GRM8: variants seen among roughly 807,000 people sequenced by gnomAD.
GRM8 encodes the protein glutamate metabotropic receptor 8.
GRM8 carries 47 observed loss-of-function variants against 87.2 expected under a neutral mutation model. The ratio of observed to expected loss-of-function variants is 0.54; its 90% CI spans 0.43 to 0.69. The LOEUF (loss-of-function observed/expected upper bound fraction) is 0.69, where lower values mean the gene tolerates loss of function less well. Ranked by LOEUF, GRM8 falls within the 30% of genes least tolerant of loss-of-function variation. The probability of loss-of-function intolerance (pLI) is 0.00; values close to 1 mark genes in which losing one functional copy is unlikely to be tolerated. For synonymous variants in GRM8, 396 were observed against 404.5 expected (o/e 0.98, Z 0.25); for missense variants, 1,019 against 1,139.2 (o/e 0.89, Z 1.52).
intron 9 of GRM8, among the ~76,000 whole-genome samples, chr7:126,525,662 C>G (rs560874044): frequency 2.0e-5 from 3 of 152,310 alleles, no homozygotes; most frequent in African/African-American, 7.2e-5. Flanking sequence ...ATAAATCAGA[C>G]CCAACTGGCT....
chr7:126,987,738 C>T (rs1047737872), intron 3 of GRM8, among the ~76,000 whole-genome samples: 5 of 152,184 alleles, frequency 3.3e-5, no homozygotes, highest in African/African-American at 9.7e-5. Flanking sequence ...GCTGGGATTA[C>T]AGGCGTGAGC....
rs745626248 is a variant in GRM8, at chr7:126,533,897, T to A, written c.1495-10A>T. ...ACTGCATGTCTTCCACCTGTGGGTA[T>A]AAAAAATTAATGAGCCTTCCATTTT... On this transcript the variant is annotated splice_polypyrimidine_tract_variant and intron_variant, in intron 8 of 10. Transcript: ENST00000339582. 1 of 1,588,290 alleles carries A rather than the reference T, an allele frequency of 6.3e-7. No homozygotes were observed. Among genetic ancestry groups the A allele is most frequent in the African/African-American group, 1.4e-5 (1 of 73,924 alleles).
chr7:126,597,042 C>T (rs59293252), intron 8 of GRM8, among the ~76,000 whole-genome samples: 2,544 of 151,998 alleles, frequency 0.017, 51 homozygotes, highest in African/African-American at 0.046. Flanking sequence ...TACAACAAAG[C>T]GAAATAATCT....
chr7:126,640,111 A>T (rs1802223048), intron 7 of GRM8, among the ~76,000 whole-genome samples: 1 of 152,246 alleles, frequency 6.6e-6, no homozygotes, highest in Non-Finnish European at 1.5e-5. Flanking sequence ...CAATAGTCTC[A>T]CTTAGAGCCT....
intron 1 of GRM8, among the ~76,000 whole-genome samples, chr7:127,246,589 G>A (rs12706771): frequency 0.25 from 37,961 of 151,912 alleles, 5,181 homozygotes; most frequent in Middle Eastern, 0.4. Flanking sequence ...GCACTCCCCC[G>A]CCAGCCCACC....
intron 3 of GRM8, among the ~76,000 whole-genome samples, chr7:127,021,975 T>C (rs938213063): frequency 6.6e-6 from 1 of 152,072 alleles, no homozygotes; most frequent in African/African-American, 2.4e-5. Context: ...CAATATGTCA[T>C]CCAAACCTAA....
chr7:127,000,529 C>T (rs1478017528), intron 3 of GRM8, among the ~76,000 whole-genome samples: 1 of 151,480 alleles, frequency 6.6e-6, no homozygotes, highest in Non-Finnish European at 1.5e-5. Flanking sequence ...TTACTATGTA[C>T]CTACAAAAAT....
intron 9 of GRM8, among the ~76,000 whole-genome samples, chr7:126,531,663 T>C (rs143050169): frequency 1.3e-5 from 2 of 152,352 alleles, no homozygotes; most frequent in African/African-American, 4.8e-5. Flanking sequence ...AAAATTTTCC[T>C]TCAAAAAACC....
intron 10 of GRM8, among the ~76,000 whole-genome samples, chr7:126,443,810 C>A (rs963588845): frequency 6.6e-6 from 1 of 151,816 alleles, no homozygotes; most frequent in African/African-American, 2.4e-5. Context: ...TATATAATTT[C>A]CATTTCAACA....
chr7:126,617,371 G>C (rs1479466301), intron 7 of GRM8, among the ~76,000 whole-genome samples: 1 of 152,146 alleles, frequency 6.6e-6, no homozygotes, highest in Non-Finnish European at 1.5e-5. Flanking sequence ...TTGATGGGAT[G>C]TATCTCAAAA....
intron 2 of GRM8, among the ~76,000 whole-genome samples, chr7:127,166,078 A>G (rs1793434894): frequency 6.6e-6 from 1 of 152,184 alleles, no homozygotes; most frequent in Non-Finnish European, 1.5e-5. Context: ...AATTTCTACT[A>G]ATGAAAATCA....
chr7:126,932,189 C>A (rs1298914682), intron 3 of GRM8, among the ~76,000 whole-genome samples: 1 of 152,024 alleles, frequency 6.6e-6, no homozygotes. Context: ...GTTTAGTTTG[C>A]CTTTGCTATG....
intron 2 of GRM8, among the ~76,000 whole-genome samples, chr7:127,166,617 G>A (rs1383403438): frequency 6.6e-6 from 1 of 152,116 alleles, no homozygotes; most frequent in Non-Finnish European, 1.5e-5. Context: ...TCTTTAGTAT[G>A]TGCAACAATT....
chr7:126,873,171 C>T (rs1330853119), intron 6 of GRM8, among the ~76,000 whole-genome samples: 1 of 152,086 alleles, frequency 6.6e-6, no homozygotes, highest in Admixed American at 6.6e-5. Flanking sequence ...CACTTTTCAA[C>T]TTAACTTGTG....
At chr7:126,607,680 C>T (rs925629441) in intron 8 of GRM8, among the ~76,000 whole-genome samples, 4 of 152,066 alleles carry the variant, frequency 2.6e-5, no homozygotes, top group South Asian at 2.1e-4. Flanking sequence ...TACTGTCTAC[C>T]GTTCTTTTTT....
intron 7 of GRM8, among the ~76,000 whole-genome samples, chr7:126,610,685 C>A (rs144768840): frequency 1.3e-5 from 2 of 152,124 alleles, no homozygotes; most frequent in Admixed American, 1.3e-4. Context: ...TCAAACAAAT[C>A]GATGACTTTA....
At chr7:126,453,544 A>G (rs1802883339) in intron 9 of GRM8, among the ~76,000 whole-genome samples, 1 of 151,756 alleles carries the variant, frequency 6.6e-6, no homozygotes, top group Non-Finnish European at 1.5e-5. Context: ...AGAGAATGAT[A>G]CAGCATCAAC....
At chr7:127,245,929 G>A (rs771513039) in intron 1 of GRM8, among the ~76,000 whole-genome samples, 4 of 152,196 alleles carry the variant, frequency 2.6e-5, no homozygotes, top group Non-Finnish European at 4.4e-5. Context: ...CATTAAACAG[G>A]AGTTATTGTT....
intron 2 of GRM8, among the ~76,000 whole-genome samples, chr7:127,165,155 T>G (rs1414657576): frequency 9.9e-5 from 5 of 50,582 alleles, no homozygotes; most frequent in Non-Finnish European, 7.3e-5. Context: ...TATATATATA[T>G]ATATATATAT....
Sources: gnomAD v4.1 joint callset for allele counts (sites outside exome capture counted in the v4.1 genomes callset) on GRCh38, gnomAD v4.1.1 for gene constraint, MANE v1.5 for transcripts, NCBI Gene and HGNC (gene_info 2026-07-23, HGNC 2026-07-21) for gene names.